UBA7: variants seen among roughly 807,000 people sequenced by gnomAD.
The protein encoded by UBA7 is ubiquitin-like modifier-activating enzyme 7.
Under a neutral mutation model 113.0 loss-of-function variants are expected in UBA7, and 88 were observed. The ratio of observed to expected loss-of-function variants is 0.78; its 90% CI spans 0.66 to 0.93. UBA7 has a LOEUF of 0.93. Ranked by LOEUF, UBA7 falls within the 40% of genes least tolerant of loss-of-function variation. The pLI, the probability that UBA7 is intolerant of heterozygous loss-of-function variation, is 0.00. For missense variants in UBA7, 1,092 were observed against 1,266.4 expected (o/e 0.86, Z 2.09); for synonymous variants, 459 against 513.0 (o/e 0.89, Z 1.42).
At chr3:49,812,819 G>T in intron 4 of UBA7, 81 bp from the exon 5 acceptor site, 1 of 1,489,818 alleles carries the variant, frequency 6.7e-7, no homozygotes, top group Non-Finnish European at 9.3e-7. Flanking sequence ...GGGCCAGAGG[G>T]CCAGAATTGG....
chr3:49,813,686 A>G, intron 1 of UBA7, 39 bp from the exon 2 acceptor site: 1 of 1,614,238 alleles, frequency 6.2e-7, no homozygotes, highest in Non-Finnish European at 8.5e-7. Flanking sequence ...TTGTAGATCA[A>G]GGTCTGAAGA....
Position 49,806,089 on chromosome 3 carries a change from A to G in UBA7, c.2792T>C (p.Leu931Pro), listed in dbSNP as rs1248814543. ...AGQPERTLES[L>P]LAHLQEQHGL... The stretch of plus-strand genomic sequence containing the variant: ...AGGGCACACCTGAAGATGAGCCAGC[A>G]GCGACTCCAGGGTCCTCTCAGGCTG... The change falls in exon 22 of 24, where the codon CTG (leucine) becomes CCG (proline). Residue 931 changes from leucine (L) to proline (P), a missense_variant. This residue lies in a region of UBA7 where 500 missense variants were observed against 529.3 expected (regional missense o/e 0.94). Transcript: ENST00000333486. 4.4e-6 allele frequency: 7 copies of G among 1,594,788 alleles called. No individual in the cohort carries two copies. Among genetic ancestry groups the G allele is most frequent in the Non-Finnish European group, 6.0e-6 (7 of 1,170,980 alleles).
rs772926743 is a variant in UBA7, at chr3:49,809,681, G to A, written c.1949C>T (p.Thr650Ile). The change falls in exon 16 of 24, where the codon ACC (threonine) becomes ATC (isoleucine). Residue 650 changes from threonine (T) to isoleucine (I), a missense_variant. Around this residue, in one of 3 missense-constraint regions of UBA7, gnomAD observed 500 missense variants for 529.3 expected, o/e 0.94. Transcript: ENST00000333486. Reference protein sequence around the residue: ...LADMDEPQTLTLLKPVLGVLR... With the variant: ...LADMDEPQTLILLKPVLGVLR... ...GACCCCAAGCACTGGCTTCAGTAAG[G>A]TGAGTGTCTGTGGCTCATCCATGTC... 2.5e-6 allele frequency: 4 copies of A among 1,614,146 alleles called. No homozygotes were observed. Among genetic ancestry groups the A allele is most frequent in the Non-Finnish European group, 2.5e-6 (3 of 1,180,036 alleles).
rs749167462 is a variant in UBA7 at position 49,813,568 on chromosome 3, C to T, written c.136G>A (p.Glu46Lys). Residue 46 changes from glutamate (E) to lysine (K), a missense_variant, in exon 2 of 24, where the codon GAG (glutamate) becomes AAG (lysine). Physicochemically the swap from Glu to Lys is moderately conservative, Grantham distance 56. This residue lies in a region of UBA7 where 584 missense variants were observed against 714.5 expected (regional missense o/e 0.82). Transcript: ENST00000333486. ...LVSGLQGLGAEVAKNLVLMGV... is the reference protein window; with the variant it reads ...LVSGLQGLGAKVAKNLVLMGV... The stretch of plus-strand genomic sequence containing the variant: ...ATCAGAACCAAGTTCTTGGCCACCT[C>T]GGCCCCCAGGCCCTGCAGGCCTGAC... The T allele has an allele frequency of 5.0e-6, 8 of 1,613,964 alleles. No homozygotes were observed. The highest frequency in any genetic ancestry group is 2.7e-5 in the African/African-American group (2 of 74,962).
rs1332836760 is a variant in UBA7, at chr3:49,805,546, G to C, written c.2910-109C>G. The C allele has an allele frequency of 3.0e-6, 3 of 1,004,336 alleles. No individual in the cohort carries two copies. In the African/African-American group the frequency reaches 4.8e-5, roughly 16 times the overall value. The allele number at this position is 1,004,336 out of a possible 1,614,324, so 62.2% of individuals were successfully genotyped here. A position where few individuals can be genotyped will look rare whatever the true frequency, so the allele number is the denominator to read the frequency against. On this transcript the variant is annotated intron_variant, in intron 23 of 23. Transcript: ENST00000333486. ...GGCAGGCCGTCAGGAGCCCAAGCCA[G>C]GAGCAGGAGCTGCTCAAGACAGGAA...
In UBA7 at chr3:49,807,715, G is replaced by C. The variant is rs990973642; in HGVS notation, c.2715+21C>G. 1 of 1,590,418 alleles carries C rather than the reference G, an allele frequency of 6.3e-7. No homozygotes were observed. The highest frequency in any genetic ancestry group is 8.6e-7 in the Non-Finnish European group (1 of 1,167,646). ...GAAACCCAGGCCTAGTAGGGCTAAG[G>C]GTGGGGTATCATGGGCTCACCGTCT... On this transcript the variant is annotated intron_variant, in intron 21 of 23. Transcript: ENST00000333486. This position sits in a 1 kb window ranked among gnomAD's most constrained non-coding sequence, Gnocchi z 4.0.
In UBA7 at chr3:49,813,363, G is replaced by A. The variant is rs768841110; in HGVS notation, c.246C>T (p.Asp82=). Residue 82 remains aspartate (D), a synonymous_variant, in exon 3 of 24, where the codon GAC becomes GAT. Transcript: ENST00000333486. ...LAAQFLLSEQ[D]LERSRAEASQ... is the part of the protein sequence containing the mutation. ...AGGCCTCGGCTCTGCTCCTTTCCAA[G>A]TCCTGCTCTGAGAGGAGAAACTAGG... is the stretch of plus-strand genomic sequence containing the variant. 9.9e-6 allele frequency: 16 copies of A among 1,613,916 alleles called. No individual in the cohort carries two copies. The highest frequency in any genetic ancestry group is 1.6e-4 in the Middle Eastern group (1 of 6,082).
Position 49,812,469 on chromosome 3 carries a change from G to A in UBA7, c.633C>T (p.Phe211=). Residue 211 remains phenylalanine (F), a synonymous_variant, in exon 6 of 24, where the codon TTC becomes TTT. Transcript: ENST00000333486. ...GCTCAACCATTCCCTCAATTCCCGA[G>A]AAAGTCACCAAGTCTCCATCACGGA... ...HYFRDGDLVT[F]SGIEGMVELN... The A allele has an allele frequency of 4.3e-6, 7 of 1,614,214 alleles. No individual in the cohort carries two copies. The highest frequency in any genetic ancestry group is 5.9e-6 in the Non-Finnish European group (7 of 1,180,042).
chr3:49,809,817 T>G lies in UBA7; in HGVS notation c.1902A>C (p.Gln634His), dbSNP rs1205729538. The stretch of plus-strand genomic sequence containing the variant: ...TCTGCCTCTGTTGGTGGCCTTACTG[T>G]TGGTGGTGGTTGATGGTCTCTGCAG... ...RLSAETINHH[Q>H]QAHTSLADMD... is the part of the protein sequence containing the mutation. The change falls in exon 15 of 24, where the codon CAA (glutamine) becomes CAC (histidine). Residue 634 changes from glutamine (Q) to histidine (H), a missense_variant and splice_region_variant. Gln to His is a conservative substitution (Grantham distance 24, BLOSUM62 0). Transcript: ENST00000333486. 1.3e-5 allele frequency: 21 copies of G among 1,614,036 alleles called. No homozygotes were observed. Among genetic ancestry groups the G allele is most frequent in the Non-Finnish European group, 1.8e-5 (21 of 1,179,994 alleles).
At chr3:49,806,743 T>C (rs1260018725) in intron 21 of UBA7, among the ~76,000 whole-genome samples, 1 of 151,932 alleles carries the variant, frequency 6.6e-6, no homozygotes, top group Non-Finnish European at 1.5e-5. Flanking sequence ...CTGGCAGGTA[T>C]CTAGAGACCA....
Position 49,810,765 on chromosome 3 carries a change from T to C in UBA7, c.1298A>G (p.Gln433Arg). 3 of 1,614,154 alleles carry C rather than the reference T, an allele frequency of 1.9e-6. No homozygotes were observed. The highest frequency in any genetic ancestry group is 2.5e-6 in the Non-Finnish European group (3 of 1,180,014). ...GAGFQEKLRR[Q>R]HYLLVGAGAI... is the part of the protein sequence containing the mutation. ...CCCACAGCTCACCAGGAGGTAGTGCTGGCGTCTCAGTTTCTCCTGAAAACC... is the reference window on the plus strand; with the variant it reads ...CCCACAGCTCACCAGGAGGTAGTGCCGGCGTCTCAGTTTCTCCTGAAAACC... Residue 433 changes from glutamine to arginine, a missense_variant, in exon 11 of 24, where the codon CAG becomes CGG. Physicochemically the swap from Gln to Arg is conservative, Grantham distance 43. Coordinates refer to ENST00000333486, the MANE Select transcript of UBA7 (RefSeq NM_003335.3). This position sits in a 1 kb window ranked among gnomAD's most constrained non-coding sequence, Gnocchi z 5.6.
Position 49,812,170 on chromosome 3 carries a change from A to G in UBA7, c.731T>C (p.Phe244Ser), listed in dbSNP as rs549904838. The G allele has an allele frequency of 2.2e-5, 35 of 1,614,148 alleles. No homozygotes were observed. Among genetic ancestry groups the G allele is most frequent in the Non-Finnish European group, 2.9e-5 (34 of 1,180,030 alleles). ...GSLEIGDTTT[F>S]SRYLRGGAIT... ...AGCCCCACCACGCAAGTACCGAGAG[A>G]AAGTTGTTGTGTCTCCAATCTCCAG... Residue 244 changes from phenylalanine (F) to serine (S), a missense_variant, in exon 7 of 24, where the codon TTC (phenylalanine) becomes TCC (serine). Phe to Ser is a radical substitution (Grantham distance 155). This residue lies in a region of UBA7 where 584 missense variants were observed against 714.5 expected (regional missense o/e 0.82). Transcript: ENST00000333486.
rs1311011286 is a variant in UBA7 at position 49,808,460 on chromosome 3, G to A, written c.2356C>T (p.Gln786Ter). The change falls in exon 19 of 24, where the codon CAG (glutamine) becomes TAG (stop). Residue 786 changes from glutamine (Q) to a stop codon, truncating the protein, a stop_gained. Transcript: ENST00000333486. LOFTEE classifies it high-confidence loss of function. ...ASASAEFGPE[Q>*]QKELNKALEV... Reference sequence around the variant, plus strand: ...AGGGCTTTGTTCAGTTCCTTCTGCTGCTCAGGGCCTGTCAGGGGAGGGGAT... The same window carrying A: ...AGGGCTTTGTTCAGTTCCTTCTGCTACTCAGGGCCTGTCAGGGGAGGGGAT... 6.2e-7 allele frequency: 1 copy of A among 1,614,102 alleles called. No individual in the cohort carries two copies. Among genetic ancestry groups the A allele is most frequent in the South Asian group, 1.1e-5 (1 of 91,080 alleles).
chr3:49,808,631 C>A (rs759941295), intron 18 of UBA7, among the ~76,000 whole-genome samples, 163 bp from the exon 19 acceptor site: 32 of 152,162 alleles, frequency 2.1e-4, no homozygotes, highest in Non-Finnish European at 3.4e-4. Context: ...CTCTAGAAGC[C>A]CCAGTCTTCA....
Position 49,809,796 on chromosome 3 carries a change from C to T in UBA7, c.1904+19G>A. On this transcript the variant is annotated intron_variant, in intron 15 of 23. Transcript: ENST00000333486. The stretch of plus-strand genomic sequence containing the variant: ...GCTTGGAGCCCTGGACTCCCATCTG[C>T]CTCTGTTGGTGGCCTTACTGTTGGT... The T allele has an allele frequency of 1.2e-6, 2 of 1,614,110 alleles. No individual in the cohort carries two copies. Among genetic ancestry groups the T allele is most frequent in the South Asian group, 1.1e-5 (1 of 91,084 alleles).
chr3:49,811,199 C>A, intron 9 of UBA7, 74 bp downstream of exon 9: 3 of 1,603,430 alleles, frequency 1.9e-6, no homozygotes, highest in Non-Finnish European at 2.6e-6. Context: ...TGCTCTCTAG[C>A]GCTGGGTGCC....
At position 49,807,306 on chromosome 3, in the gene UBA7, T is replaced by G. The variant is rs2081469933; in HGVS notation, c.2715+430A>C. ...CACTCAGGGCTGCAGACCCCACACC[T>G]CTAGTGGCAAGCCTATTACCTTTTA... On this transcript the variant is annotated intron_variant, in intron 21 of 23. Coordinates refer to ENST00000333486, the MANE Select transcript of UBA7 (RefSeq NM_003335.3). This position sits in a 1 kb window ranked among gnomAD's most constrained non-coding sequence, Gnocchi z 4.0. Among the ~76,000 whole-genome samples, 1 of 152,014 alleles carries G rather than the reference T, an allele frequency of 6.6e-6. No individual in the cohort carries two copies. The highest frequency in any genetic ancestry group is 1.5e-5 in the Non-Finnish European group (1 of 67,986).
intron 21 of UBA7, 124 bp from the exon 22 acceptor site, chr3:49,806,289 G>A (rs1575366949): frequency 1.2e-6 from 1 of 824,824 alleles, no homozygotes; most frequent in Non-Finnish European, 1.9e-6. Context: ...GGGGTGGGGG[G>A]TGGGGGGGAG....
rs1332921177 is a variant in UBA7 at position 49,809,545 on chromosome 3, A to G, written c.2085T>C (p.Asn695=). 6.2e-6 allele frequency: 10 copies of G among 1,614,016 alleles called. No homozygotes were observed. Among genetic ancestry groups the G allele is most frequent in the South Asian group, 1.1e-5 (1 of 91,088 alleles). Residue 695 remains asparagine, a synonymous_variant, in exon 16 of 24, where the codon AAT becomes AAC. Coordinates refer to ENST00000333486, the MANE Select transcript of UBA7 (RefSeq NM_003335.3). ...GTCCCAACCCCTAGCCACACACTTT[A>G]TTAGGTGGGAAGTGCCTCAGCAGCT... ...IKQLLRHFPP[N]KVLEDGTPFW... is the part of the protein sequence containing the mutation.
Sources: allele counts gnomAD v4.1 joint callset (sites outside exome capture counted in the v4.1 genomes callset), GRCh38; gene constraint gnomAD v4.1.1; regional missense constraint gnomAD v4.1.1; non-coding constraint Gnocchi (gnomAD v3.1); transcripts MANE v1.5; gene names NCBI Gene and HGNC (gene_info 2026-07-23, HGNC 2026-07-21).